CTNNA3: variants seen among roughly 807,000 people sequenced by gnomAD.
The protein encoded by CTNNA3 is catenin alpha 3.
A neutral mutation model predicts 95.7 loss-of-function variants in CTNNA3; 76 were observed. That is an observed-to-expected ratio of 0.79 (90% CI 0.66 to 0.96). The LOEUF is 0.96. Ranked by LOEUF, CTNNA3 falls within the 40% of genes least tolerant of loss-of-function variation. The pLI, the probability that CTNNA3 is intolerant of heterozygous loss-of-function variation, is 0.00. For synonymous variants in CTNNA3, 431 were observed against 374.4 expected (o/e 1.15, Z -1.74); for missense variants, 1,191 against 1,089.8 (o/e 1.09, Z -1.31).
intron 15 of CTNNA3, among the ~76,000 whole-genome samples, chr10:66,040,284 T>C (rs775030643): frequency 3.4e-4 from 51 of 152,064 alleles, no homozygotes; most frequent in African/African-American, 1.1e-3. Context: ...GGTGGGAGTG[T>C]AAATTAGTGC....
At chr10:67,218,089 T>C (rs1233026295) in intron 6 of CTNNA3, among the ~76,000 whole-genome samples, 3 of 152,210 alleles carry the variant, frequency 2.0e-5, no homozygotes, top group African/African-American at 7.2e-5. Context: ...ATTAGGTATA[T>C]GCAAATATTC....
At chr10:67,432,345 G>A (rs4746683) in intron 5 of CTNNA3, among the ~76,000 whole-genome samples, 151,848 of 152,166 alleles carry the variant, frequency 1, 75,767 homozygotes, top group Middle Eastern at 1. Context: ...TTAGTTTCCT[G>A]AGGCTGCTTA....
At chr10:66,515,310 A>C (rs1840806117) in intron 11 of CTNNA3, among the ~76,000 whole-genome samples, 1 of 90,490 alleles carries the variant, frequency 1.1e-5, no homozygotes, top group Non-Finnish European at 2.4e-5. Flanking sequence ...TCTATATGGA[A>C]AATAGTCTCT....
chr10:66,977,571 G>C (rs940659592), intron 7 of CTNNA3, among the ~76,000 whole-genome samples: 3 of 152,212 alleles, frequency 2.0e-5, no homozygotes, highest in Non-Finnish European at 4.4e-5. Context: ...ACTGTCACGT[G>C]TAAAATAGAA....
intron 7 of CTNNA3, among the ~76,000 whole-genome samples, chr10:66,785,666 C>T (rs1376362336): frequency 6.6e-6 from 1 of 152,140 alleles, no homozygotes; most frequent in African/African-American, 2.4e-5. Flanking sequence ...TGAATTATAC[C>T]ATTGGCTTCC....
intron 10 of CTNNA3, among the ~76,000 whole-genome samples, chr10:66,602,436 C>T (rs907087787): frequency 6.6e-6 from 1 of 151,846 alleles, no homozygotes; most frequent in East Asian, 1.9e-4. Flanking sequence ...ACCTACAAGT[C>T]CAGGATATCT....
chr10:65,957,642 C>G (rs999396012), intron 17 of CTNNA3, among the ~76,000 whole-genome samples: 6 of 152,148 alleles, frequency 3.9e-5, no homozygotes, highest in Non-Finnish European at 5.9e-5. Context: ...ACCTCCTTCA[C>G]TTATGAAGCT....
intron 12 of CTNNA3, among the ~76,000 whole-genome samples, chr10:66,365,337 A>G (rs1191227267): frequency 6.6e-6 from 1 of 152,166 alleles, no homozygotes; most frequent in Admixed American, 6.5e-5. Flanking sequence ...TTGAACAATG[A>G]GAACACATGG....
intron 5 of CTNNA3, among the ~76,000 whole-genome samples, chr10:67,317,432 T>C (rs544006974): frequency 5.0e-3 from 80 of 16,098 alleles, no homozygotes; most frequent in Admixed American, 0.032. Context: ...CTCATTGTTC[T>C]TTTTTTTTTT....
intron 7 of CTNNA3, among the ~76,000 whole-genome samples, chr10:67,014,105 G>A (rs190197571): frequency 2.3e-3 from 351 of 152,166 alleles, no homozygotes; most frequent in African/African-American, 7.7e-3. Flanking sequence ...TTGTATTTTG[G>A]TTCATTGTAG....
At chr10:67,261,381 G>A (rs973476815) in intron 5 of CTNNA3, among the ~76,000 whole-genome samples, 1 of 152,110 alleles carries the variant, frequency 6.6e-6, no homozygotes, top group African/African-American at 2.4e-5. Flanking sequence ...ACCATGAAAT[G>A]TGAAAAATAT....
chr10:67,233,759 C>G (rs1271838621), intron 5 of CTNNA3, among the ~76,000 whole-genome samples: 69 of 145,392 alleles, frequency 4.7e-4, no homozygotes, highest in Non-Finnish European at 9.7e-4. Context: ...ATTGATAGAC[C>G]GCTAGCAAGA....
chr10:66,633,612 A>G (rs4746608), intron 9 of CTNNA3, among the ~76,000 whole-genome samples: 51,368 of 151,836 alleles, frequency 0.34, 11,440 homozygotes, highest in African/African-American at 0.63. Flanking sequence ...CCCAGAAGGC[A>G]GAGCTTGCAG....
intron 7 of CTNNA3, among the ~76,000 whole-genome samples, chr10:67,103,160 G>T (rs75859071): frequency 0.018 from 2,667 of 151,710 alleles, 84 homozygotes; most frequent in East Asian, 0.12. Context: ...TTGAAAAATA[G>T]TGCTCAAATG....
intron 9 of CTNNA3, among the ~76,000 whole-genome samples, chr10:66,747,744 T>C (rs191679443): frequency 1.8e-4 from 28 of 152,232 alleles, no homozygotes; most frequent in African/African-American, 6.7e-4. Context: ...GAATAACTAC[T>C]CTGGTGTGGG....
At chr10:67,194,953 CTTTTA>C (rs1324444517) in intron 6 of CTNNA3, among the ~76,000 whole-genome samples, 1 of 151,868 alleles carries the variant, frequency 6.6e-6, no homozygotes, top group African/African-American at 2.4e-5. Context: ...GGCTGAAAGC[CTTTTA>C]TTTAATACTA....
At chr10:66,223,434 A>C (rs1452637490) in intron 13 of CTNNA3, among the ~76,000 whole-genome samples, 1 of 152,192 alleles carries the variant, frequency 6.6e-6, no homozygotes, top group Non-Finnish European at 1.5e-5. Context: ...TTCTTTTTCT[A>C]CTACGTTCAT....
chr10:65,973,856 A>G (rs1026472068), intron 16 of CTNNA3, among the ~76,000 whole-genome samples: 5 of 152,084 alleles, frequency 3.3e-5, no homozygotes, highest in Non-Finnish European at 7.4e-5. Context: ...AACACCTCCC[A>G]CCAGGCCCCA....
At chr10:66,270,341 A>C (rs1197928772) in intron 13 of CTNNA3, among the ~76,000 whole-genome samples, 1 of 151,830 alleles carries the variant, frequency 6.6e-6, no homozygotes, top group Non-Finnish European at 1.5e-5. Context: ...AGTAGATGGG[A>C]GTATAGGCAT....
Sources: gnomAD v4.1 joint callset for allele counts (sites outside exome capture counted in the v4.1 genomes callset) on GRCh38, gnomAD v4.1.1 for gene constraint, MANE v1.5 for transcripts, NCBI Gene and HGNC (gene_info 2026-07-23, HGNC 2026-07-21) for gene names.